RBFOX1: variants seen among roughly 807,000 people sequenced by gnomAD.
RBFOX1 encodes RNA binding fox-1 homolog 1.
In RBFOX1, 8 loss-of-function variants were observed where a neutral mutation model predicts 57.7. That is an observed-to-expected ratio of 0.14 (90% CI 0.08 to 0.25). RBFOX1 has a LOEUF of 0.25. Among genes scored for constraint, RBFOX1 ranks in the 10% least tolerant of loss-of-function variants. The pLI, the probability that RBFOX1 is intolerant of heterozygous loss-of-function variation, is 1.00. For missense variants in RBFOX1, 611 were observed against 548.5 expected (o/e 1.11, Z -1.14); for synonymous variants, 326 against 222.4 (o/e 1.47, Z -4.15).
intron 3 of RBFOX1, among the ~76,000 whole-genome samples, chr16:6,844,634 C>G (rs1251730684): frequency 6.6e-6 from 1 of 152,034 alleles, no homozygotes; most frequent in East Asian, 1.9e-4. Flanking sequence ...GTGAATAGTG[C>G]TGCAATTAAC....
intron 1 of RBFOX1, among the ~76,000 whole-genome samples, chr16:6,044,680 G>T (rs975465880): frequency 5.9e-5 from 9 of 151,998 alleles, no homozygotes; most frequent in African/African-American, 2.2e-4. Flanking sequence ...TTTTTTGATT[G>T]TGCGGAAACT....
intron 3 of RBFOX1, among the ~76,000 whole-genome samples, chr16:6,945,287 T>G (rs913737839): frequency 6.6e-6 from 1 of 152,064 alleles, no homozygotes; most frequent in African/African-American, 2.4e-5. Context: ...GTTATGATGG[T>G]GAGAATGTGT....
intron 4 of RBFOX1, among the ~76,000 whole-genome samples, chr16:7,295,615 A>G (rs2095873340): frequency 1.3e-5 from 2 of 152,072 alleles, no homozygotes; most frequent in Admixed American, 1.3e-4. Flanking sequence ...TGATCCAGAG[A>G]TAGATCTTCA....
At chr16:6,890,042 A>C (rs2065045093) in intron 3 of RBFOX1, among the ~76,000 whole-genome samples, 1 of 152,242 alleles carries the variant, frequency 6.6e-6, no homozygotes, top group African/African-American at 2.4e-5. Context: ...TCCCACTTAT[A>C]CTAGAAGTTG....
chr16:6,530,158 G>C (rs1221596290), intron 2 of RBFOX1, among the ~76,000 whole-genome samples: 3 of 152,164 alleles, frequency 2.0e-5, no homozygotes, highest in Non-Finnish European at 2.9e-5. Flanking sequence ...ATCTTAGAAT[G>C]AAGAGGGAGG....
chr16:5,896,493 C>T (rs1433969141), intron 4 of RBFOX1, among the ~76,000 whole-genome samples: 1 of 152,152 alleles, frequency 6.6e-6, no homozygotes, highest in Non-Finnish European at 1.5e-5. Flanking sequence ...TGTGGGCTCT[C>T]CTTTGCGTTC....
At chr16:6,717,239 A>C in intron 3 of RBFOX1, among the ~76,000 whole-genome samples, 1 of 146,912 alleles carries the variant, frequency 6.8e-6, no homozygotes, top group East Asian at 1.9e-4. Flanking sequence ...CAAACTGTTA[A>C]AAAAAAAAGA....
intron 3 of RBFOX1, among the ~76,000 whole-genome samples, chr16:6,833,578 C>T (rs1018088072): frequency 2.6e-5 from 4 of 152,210 alleles, no homozygotes; most frequent in African/African-American, 9.6e-5. Context: ...ATTTCCTCCA[C>T]TGCACTTATA....
intron 3 of RBFOX1, among the ~76,000 whole-genome samples, chr16:6,780,763 C>T (rs753409141): frequency 2.0e-5 from 3 of 151,072 alleles, no homozygotes; most frequent in Non-Finnish European, 2.9e-5. Flanking sequence ...AGCATTTTTC[C>T]GCATACCTTT....
At chr16:6,810,583 A>G (rs1223197050) in intron 3 of RBFOX1, among the ~76,000 whole-genome samples, 3 of 151,942 alleles carry the variant, frequency 2.0e-5, no homozygotes, top group African/African-American at 7.3e-5. Flanking sequence ...TATGAGTTTC[A>G]TAGTGCTATA....
At chr16:6,685,546 C>T (rs1478141377) in intron 3 of RBFOX1, among the ~76,000 whole-genome samples, 2 of 151,668 alleles carry the variant, frequency 1.3e-5, no homozygotes, top group Non-Finnish European at 2.9e-5. Flanking sequence ...CCTCACTCTC[C>T]CAAAGTGCTG....
chr16:5,590,310 T>G (rs1264804543), intron 2 of RBFOX1, among the ~76,000 whole-genome samples: 1 of 152,098 alleles, frequency 6.6e-6, no homozygotes, highest in East Asian at 1.9e-4. Context: ...AAGCAGAGAT[T>G]TTAACATCTG....
At chr16:5,790,570 G>C (rs1219607190) in intron 3 of RBFOX1, among the ~76,000 whole-genome samples, 1 of 151,416 alleles carries the variant, frequency 6.6e-6, no homozygotes, top group East Asian at 1.9e-4. Flanking sequence ...AATGGAATAG[G>C]GACCTTGATG....
intron 2 of RBFOX1, among the ~76,000 whole-genome samples, chr16:6,608,573 G>C (rs1221085084): frequency 1.3e-5 from 2 of 152,174 alleles, no homozygotes; most frequent in Non-Finnish European, 2.9e-5. Flanking sequence ...AGAATCGCTT[G>C]AGACCAGGAG....
intron 2 of RBFOX1, among the ~76,000 whole-genome samples, chr16:6,534,187 G>T (rs778299818): frequency 6.6e-6 from 1 of 152,130 alleles, no homozygotes; most frequent in Non-Finnish European, 1.5e-5. Context: ...TAAGTAAGTT[G>T]TATAGTCACT....
chr16:5,415,000 C>T (rs1226129267), intron 1 of RBFOX1, among the ~76,000 whole-genome samples: 2 of 151,960 alleles, frequency 1.3e-5, no homozygotes, highest in African/African-American at 4.8e-5. Flanking sequence ...TTTCCGTGTG[C>T]CAGGTTATAT....
chr16:7,246,230 G>T (rs1366904273), intron 4 of RBFOX1, among the ~76,000 whole-genome samples: 2 of 152,098 alleles, frequency 1.3e-5, no homozygotes, highest in Admixed American at 1.3e-4. Flanking sequence ...AATTTGGAAG[G>T]AATCCTTAGC....
intron 2 of RBFOX1, among the ~76,000 whole-genome samples, chr16:6,633,211 A>G (rs1265456591): frequency 6.6e-6 from 1 of 152,156 alleles, no homozygotes; most frequent in East Asian, 1.9e-4. Flanking sequence ...TCCTCACATC[A>G]GTGGCTTATA....
Position 5,445,620 on chromosome 16 carries a change from C to T in RBFOX1, c.220-21596C>T, listed in dbSNP as rs764228266. Among the ~76,000 whole-genome samples the T allele has an allele frequency of 5.9e-5, 9 of 152,184 alleles. No individual in the cohort carries two copies. In the South Asian group the frequency reaches 6.2e-4, roughly 11 times the overall value. On this transcript the variant is annotated intron_variant, in intron 1 of 2. Coordinates refer to the RBFOX1 transcript ENST00000585867. The stretch of plus-strand genomic sequence containing the variant: ...GGTGGAGGATAATCCCCATGAGCTA[C>T]GCTATACTCATCTCCCAATTTATTT...
Sources: gnomAD v4.1 joint callset for allele counts (sites outside exome capture counted in the v4.1 genomes callset) on GRCh38, gnomAD v4.1.1 for gene constraint, MANE v1.5 for transcripts, NCBI Gene and HGNC (gene_info 2026-07-23, HGNC 2026-07-21) for gene names.